The following TOX variants were observed in gnomAD, a reference collection of about 807,000 sequenced individuals.
TOX encodes the protein thymocyte selection-associated high mobility group box protein TOX.
A neutral mutation model predicts 53.7 loss-of-function variants in TOX; 11 were observed. The ratio of observed to expected loss-of-function variants is 0.20; its 90% CI spans 0.13 to 0.34. The LOEUF is 0.34. Ranked by LOEUF, TOX falls within the 10% of genes least tolerant of loss-of-function variation. The pLI is 1.00. For synonymous variants in TOX, 225 were observed against 245.3 expected (o/e 0.92, Z 0.77); for missense variants, 570 against 664.6 (o/e 0.86, Z 1.56).
chr8:58,968,178 G>A (rs1812937525), intron 1 of TOX, among the ~76,000 whole-genome samples: 1 of 152,090 alleles, frequency 6.6e-6, no homozygotes, highest in African/African-American at 2.4e-5. Context: ...TATTGTTTAA[G>A]AAAAGAATAT....
chr8:58,984,782 C>CAAAAAAA (rs11364474), intron 1 of TOX, among the ~76,000 whole-genome samples: 1 of 77,400 alleles, frequency 1.3e-5, no homozygotes, highest in East Asian at 3.9e-4. Context: ...GACTCCGTCT[C>CAAAAAAA]AAAAAAAAAA....
At chr8:59,003,996 T>A (rs1813742975) in intron 1 of TOX, among the ~76,000 whole-genome samples, 1 of 152,204 alleles carries the variant, frequency 6.6e-6, no homozygotes, top group African/African-American at 2.4e-5. Flanking sequence ...TTTTTTATGA[T>A]GTTGGGGAAA....
intron 1 of TOX, among the ~76,000 whole-genome samples, chr8:58,960,233 C>G (rs751458047): frequency 6.6e-6 from 1 of 152,106 alleles, no homozygotes. Flanking sequence ...GTAATTAGTG[C>G]TCTAGTAATT....
chr8:58,867,898 T>G (rs1462107818), intron 3 of TOX, among the ~76,000 whole-genome samples: 1 of 152,228 alleles, frequency 6.6e-6, no homozygotes, highest in Non-Finnish European at 1.5e-5. Flanking sequence ...ATGTAGGCAC[T>G]GAATTGCAGA....
At chr8:58,962,688 C>T (rs747748970) in intron 1 of TOX, among the ~76,000 whole-genome samples, 1 of 152,154 alleles carries the variant, frequency 6.6e-6, no homozygotes, top group Non-Finnish European at 1.5e-5. Flanking sequence ...TGTCTGTGGT[C>T]CCAGCTACTT....
intron 3 of TOX, among the ~76,000 whole-genome samples, chr8:58,882,844 C>CT (rs898926141): frequency 2.0e-5 from 3 of 152,156 alleles, no homozygotes; most frequent in African/African-American, 7.2e-5. Context: ...ACTATCAACT[C>CT]TAAGATTCTT....
At position 59,089,979 on chromosome 8, in the gene TOX, G is replaced by T. The variant is rs138119177; in HGVS notation, c.102+28907C>A. On this transcript the variant is annotated intron_variant, in intron 1 of 8. Coordinates refer to ENST00000361421, the MANE Select transcript of TOX (RefSeq NM_014729.3). ...CCAGTGATGGTCTATCAGACTGAAG[G>T]CCCCATCAGATTCAGAACGTTGGCC... is the stretch of plus-strand genomic sequence containing the variant. Among the ~76,000 whole-genome samples the T allele has an allele frequency of 4.6e-3, 694 of 152,310 alleles. 5 individuals are homozygous for T. The highest frequency in any genetic ancestry group is 7.4e-3 in the Non-Finnish European group (503 of 68,018).
At chr8:58,997,671 C>T (rs1271254942) in intron 1 of TOX, among the ~76,000 whole-genome samples, 1 of 152,198 alleles carries the variant, frequency 6.6e-6, no homozygotes, top group African/African-American at 2.4e-5. Context: ...GAGTCACAGC[C>T]AATGGATAAT....
At chr8:59,087,767 G>A (rs2129423583) in intron 1 of TOX, among the ~76,000 whole-genome samples, 1 of 152,298 alleles carries the variant, frequency 6.6e-6, no homozygotes, top group Non-Finnish European at 1.5e-5. Flanking sequence ...CATGCAAGCT[G>A]CCCCAGCAGA....
intron 1 of TOX, among the ~76,000 whole-genome samples, chr8:59,072,029 G>C (rs896693101): frequency 6.6e-6 from 1 of 151,970 alleles, no homozygotes; most frequent in Non-Finnish European, 1.5e-5. Flanking sequence ...TTTTTTAAAG[G>C]CCTGGGCTTC....
At chr8:59,008,824 T>C (rs777410009) in intron 1 of TOX, among the ~76,000 whole-genome samples, 4 of 152,184 alleles carry the variant, frequency 2.6e-5, no homozygotes, top group Admixed American at 6.5e-5. Context: ...TGGCCACCAG[T>C]AAGCTAATTT....
chr8:59,110,040 CT>C (rs1316594731), intron 1 of TOX, among the ~76,000 whole-genome samples: 9 of 152,114 alleles, frequency 5.9e-5, no homozygotes, highest in African/African-American at 2.2e-4. Flanking sequence ...TGAGAGTTAC[CT>C]TGAAAAATAA....
intron 3 of TOX, among the ~76,000 whole-genome samples, chr8:58,937,467 A>ACTGAGTC (rs796621746): frequency 2.0e-5 from 3 of 152,298 alleles, no homozygotes; most frequent in African/African-American, 7.2e-5. Context: ...TGTGGCTGTG[A>ACTGAGTC]CTGAGTCCAG....
At position 59,026,454 on chromosome 8, in the gene TOX, T is replaced by C. The variant is rs139881743; in HGVS notation, c.103-66446A>G. Among the ~76,000 whole-genome samples the C allele has an allele frequency of 2.0e-3, 310 of 152,310 alleles. 1 individual carries two copies. The highest frequency in any genetic ancestry group is 6.8e-3 in the Middle Eastern group (2 of 294). On this transcript the variant is annotated intron_variant, in intron 1 of 8. Transcript: ENST00000361421. ...AGGCAGGGCACAGGGATGAGATTGA[T>C]CACTTTTCTGGACTACACGTGCATG...
At chr8:59,098,832 A>G (rs1804757338) in intron 1 of TOX, among the ~76,000 whole-genome samples, 1 of 152,152 alleles carries the variant, frequency 6.6e-6, no homozygotes, top group Non-Finnish European at 1.5e-5. Context: ...GACTTGCCCT[A>G]TGAGTACAGG....
At chr8:58,818,931 T>C (rs1810225957) in intron 6 of TOX, among the ~76,000 whole-genome samples, 1 of 152,228 alleles carries the variant, frequency 6.6e-6, no homozygotes, top group Non-Finnish European at 1.5e-5. Context: ...GGAATTTGTA[T>C]GTTTATGTAA....
chr8:59,023,030 T>C (rs1814164767), intron 1 of TOX, among the ~76,000 whole-genome samples: 1 of 152,186 alleles, frequency 6.6e-6, no homozygotes, highest in Non-Finnish European at 1.5e-5. Flanking sequence ...TCATAAACAG[T>C]CACATTTAAA....
chr8:58,890,868 A>G (rs1307833320), intron 3 of TOX, among the ~76,000 whole-genome samples: 1 of 152,126 alleles, frequency 6.6e-6, no homozygotes, highest in Non-Finnish European at 1.5e-5. Context: ...GATCCTGGGG[A>G]TGCAGAACCT....
chr8:59,094,512 C>T (rs1371767414), intron 1 of TOX, among the ~76,000 whole-genome samples: 1 of 151,544 alleles, frequency 6.6e-6, no homozygotes, highest in Non-Finnish European at 1.5e-5. Context: ...GTGGCACACG[C>T]ATATAGGTAT....
Sources: allele counts gnomAD v4.1 joint callset (sites outside exome capture counted in the v4.1 genomes callset), GRCh38; gene constraint gnomAD v4.1.1; transcripts MANE v1.5; gene names NCBI Gene and HGNC (gene_info 2026-07-23, HGNC 2026-07-21).